Variants in CCR6 observed in about 807,000 individuals in gnomAD.
The protein encoded by CCR6 is C-C chemokine receptor type 6.
CCR6 carries 2 observed loss-of-function variants against 3.0 expected under a neutral mutation model. That is an observed-to-expected ratio of 0.66 (90% CI 0.27 to 2.07). The LOEUF (loss-of-function observed/expected upper bound fraction) is 2.07, where lower values mean the gene tolerates loss of function less well. Among genes scored for constraint, CCR6 ranks in the 30% most tolerant of loss-of-function variants. CCR6 has a pLI of 0.14. For missense variants in CCR6, 322 were observed against 462.8 expected, an observed-to-expected ratio of 0.70 and a Z score of 2.79; for synonymous variants, 193 against 184.3, an observed-to-expected ratio of 1.05 and a Z score of -0.38.
chr6:167,122,137 G>C (rs1781598647), upstream of CCR6, among the ~76,000 whole-genome samples: 1 of 152,210 alleles, frequency 6.6e-6, no homozygotes, highest in Admixed American at 6.5e-5. The surrounding 1 kb of genome is among the most constrained non-coding windows in gnomAD (Gnocchi z 4.2). Context: ...GAGCTGGGCA[G>C]CGGGCAGTGG....
At chr6:167,132,779 G>A (rs1157286091) in intron 1 of CCR6, among the ~76,000 whole-genome samples, 2 of 152,188 alleles carry the variant, frequency 1.3e-5, no homozygotes, top group African/African-American at 2.4e-5. Flanking sequence ...GGACTTAAGT[G>A]GTCCGTCTGC....
At position 167,138,226 on chromosome 6, in the gene CCR6, G is replaced by C. The variant is rs1203712652; in HGVS notation, c.*871G>C. On this transcript the variant is annotated 3_prime_UTR_variant, in exon 3 of 3. Coordinates refer to ENST00000341935, the MANE Select transcript of CCR6 (RefSeq NM_031409.4). ...AACAAAATGGACTCAAGAGAGATTT[G>C]ATTAATGAATCGTAATGAAGTTGGG... 1 of 152,062 alleles carries C rather than the reference G, an allele frequency of 6.6e-6. No individual in the cohort carries two copies. Among genetic ancestry groups the C allele is most frequent in the African/African-American group, 2.4e-5 (1 of 41,378 alleles). 9.4% of individuals were successfully genotyped at this position (152,062 alleles called of 1,614,324 possible).
upstream of CCR6, among the ~76,000 whole-genome samples, chr6:167,120,149 G>T (rs1781564125): frequency 6.6e-6 from 1 of 152,088 alleles, no homozygotes; most frequent in Non-Finnish European, 1.5e-5. Flanking sequence ...ACTGGGCTCG[G>T]CTGAGTGCTT....
chr6:167,134,669 C>T (rs574707081), intron 1 of CCR6, among the ~76,000 whole-genome samples: 2 of 152,300 alleles, frequency 1.3e-5, no homozygotes, highest in South Asian at 2.1e-4. Flanking sequence ...GAGGGCAGTT[C>T]CACTTTCTCT....
intron 1 of CCR6, among the ~76,000 whole-genome samples, chr6:167,133,929 T>TGA (rs1781807159): frequency 1.6e-5 from 1 of 61,730 alleles, no homozygotes; most frequent in Non-Finnish European, 3.1e-5. Flanking sequence ...ATGATATATG[T>TGA]GTGTATATAT....
Position 167,137,357 on chromosome 6 carries a change from A to G in CCR6, c.*2A>G, listed in dbSNP as rs149010509. 7.5e-6 allele frequency: 12 copies of G among 1,605,766 alleles called. No individual in the cohort carries two copies. In the African/African-American group the frequency reaches 1.6e-4, roughly 22 times the overall value. On this transcript the variant is annotated 3_prime_UTR_variant, in exon 3 of 3. Transcript: ENST00000341935. This position sits in a 1 kb window ranked among gnomAD's most constrained non-coding sequence, Gnocchi z 4.6. ...AATGCGTCGTCCTTCACTATGTGAT[A>G]GAAAGCTGAGTCTCCCTAAGGCATG...
At chr6:167,131,726 T>C (rs1689731660) in intron 1 of CCR6, among the ~76,000 whole-genome samples, 1 of 152,276 alleles carries the variant, frequency 6.6e-6, no homozygotes, top group East Asian at 1.9e-4. Flanking sequence ...GAACCTCCCA[T>C]TACCCCTCAG....
rs373361643 is a variant in CCR6 at position 167,136,581 on chromosome 6, G to C, written c.351G>C (p.Thr117=). The change falls in exon 3 of 3, where the codon ACG becomes ACC. Residue 117 remains threonine, a synonymous_variant. Transcript: ENST00000341935. This position sits in a 1 kb window ranked among gnomAD's most constrained non-coding sequence, Gnocchi z 4.6. ...GTGCGTGGGTTTTCAGCAATGCCACGTGCAAGTTGCTAAAAGGCATCTATG... is the reference window on the plus strand; with the variant it reads ...GTGCGTGGGTTTTCAGCAATGCCACCTGCAAGTTGCTAAAAGGCATCTATG... ...ATGAWVFSNA[T]CKLLKGIYAI... 6.2e-7 allele frequency: 1 copy of C among 1,609,854 alleles called. No homozygotes were observed. The highest frequency in any genetic ancestry group is 1.3e-5 in the African/African-American group (1 of 74,994).
Position 167,136,041 on chromosome 6 carries a change from C to A in CCR6, c.-94C>A. On this transcript the variant is annotated 5_prime_UTR_variant, in exon 2 of 3. Transcript: ENST00000341935. This position sits in a 1 kb window ranked among gnomAD's most constrained non-coding sequence, Gnocchi z 4.6. ...TTTTGCCTTCTTTCCTTCTTAGAGT[C>A]ACCTCTACTTTCCTGCTACCGCTGC... 1 of 1,412,668 alleles carries A rather than the reference C, an allele frequency of 7.1e-7. No homozygotes were observed. Among genetic ancestry groups the A allele is most frequent in the South Asian group, 1.3e-5 (1 of 77,088 alleles). 87.5% of individuals were successfully genotyped at this position (1,412,668 alleles called of 1,614,324 possible).
rs760358122 is a variant in CCR6, at chr6:167,136,785, C to T, written c.555C>T (p.Phe185=). 1 of 1,613,980 alleles carries T rather than the reference C, an allele frequency of 6.2e-7. No homozygotes were observed. The highest frequency in any genetic ancestry group is 8.5e-7 in the Non-Finnish European group (1 of 1,180,034). The change falls in exon 3 of 3, where the codon TTC becomes TTT. Residue 185 remains phenylalanine (F), a synonymous_variant. Coordinates refer to ENST00000341935, the MANE Select transcript of CCR6 (RefSeq NM_031409.4). This position sits in a 1 kb window ranked among gnomAD's most constrained non-coding sequence, Gnocchi z 4.6. The part of the protein sequence containing the change: ...SVIISSSTFV[F]NQKYNTQGSD... ...TCATCTCCAGCTCAACTTTTGTCTT[C>T]AACCAAAAATACAACACCCAAGGCA... is the stretch of plus-strand genomic sequence containing the variant.
intron 1 of CCR6, among the ~76,000 whole-genome samples, chr6:167,134,519 A>G (rs1195487361): frequency 3.9e-5 from 6 of 152,256 alleles, no homozygotes; most frequent in Non-Finnish European, 7.3e-5. Context: ...AAATAATGAA[A>G]TGAGAATCAA....
chr6:167,124,567 A>G (rs1275913156), intron 1 of CCR6, among the ~76,000 whole-genome samples: 3 of 152,178 alleles, frequency 2.0e-5, no homozygotes, highest in Non-Finnish European at 4.4e-5. Flanking sequence ...TGGGAATTCT[A>G]TGGCATTTCA....
In CCR6 at chr6:167,135,813, G is replaced by C. The variant is rs1234322809; in HGVS notation, c.-97-225G>C. ...GCTTTCAAGCTCCAAAGGCAGATTTGAGGAGCTGTGACAGAGACCATATGG... is the reference window on the plus strand; with the variant it reads ...GCTTTCAAGCTCCAAAGGCAGATTTCAGGAGCTGTGACAGAGACCATATGG... On this transcript the variant is annotated intron_variant, in intron 1 of 2. Transcript: ENST00000341935. Among the ~76,000 whole-genome samples the C allele has an allele frequency of 2.6e-5, 4 of 152,192 alleles. No individual in the cohort carries two copies. The South Asian group carries it at 6.2e-4, about 24-fold the overall frequency.
intron 1 of CCR6, among the ~76,000 whole-genome samples, chr6:167,130,976 A>G (rs5014884): frequency 1.7e-5 from 2 of 120,686 alleles, no homozygotes; most frequent in African/African-American, 3.8e-5. Context: ...CTCTGGGACC[A>G]CCCTCCCTCT....
intron 1 of CCR6, chr6:167,115,642 G>A (rs951181160): frequency 2.2e-4 from 33 of 152,172 alleles, no homozygotes; most frequent in Admixed American, 1.2e-3. Flanking sequence ...ATCTGGAAAC[G>A]TCTAGAAGGT....
At chr6:167,116,446 C>T (rs1781494712) in intron 1 of CCR6, among the ~76,000 whole-genome samples, 1 of 152,208 alleles carries the variant, frequency 6.6e-6, no homozygotes, top group Non-Finnish European at 1.5e-5. Context: ...TCTCTGAGGC[C>T]CTCCTCTCAG....
chr6:167,133,930 G>GTATATATATATA (rs1201380934), intron 1 of CCR6, among the ~76,000 whole-genome samples: 6 of 29,050 alleles, frequency 2.1e-4, no homozygotes, highest in South Asian at 1.6e-3. Flanking sequence ...TGATATATGT[G>GTATATATATATA]TGTATATATA....
At chr6:167,129,935 C>A (rs1285341133) in intron 1 of CCR6, among the ~76,000 whole-genome samples, 2 of 151,742 alleles carry the variant, frequency 1.3e-5, no homozygotes, top group African/African-American at 2.4e-5. Context: ...AATGACATTT[C>A]TAAAGTGTGT....
At chr6:167,115,313 A>G (rs1368977404) in intron 1 of CCR6, 4 of 152,270 alleles carry the variant, frequency 2.6e-5, no homozygotes. Context: ...TTCTGTGAGC[A>G]GACCTGTCCT....
Sources: gnomAD v4.1 joint callset for allele counts (sites outside exome capture counted in the v4.1 genomes callset) on GRCh38, gnomAD v4.1.1 for gene constraint, Gnocchi (gnomAD v3.1) non-coding constraint, MANE v1.5 for transcripts, NCBI Gene and HGNC (gene_info 2026-07-23, HGNC 2026-07-21) for gene names.